EXOC6B: variants seen among roughly 807,000 people sequenced by gnomAD.
EXOC6B encodes exocyst complex component 6B, also known as SEC15 homolog B.
In EXOC6B, 54 loss-of-function variants were observed where a neutral mutation model predicts 113.5. The ratio of observed to expected loss-of-function variants is 0.48; its 90% CI spans 0.38 to 0.60. The LOEUF (loss-of-function observed/expected upper bound fraction) is 0.60. Among genes scored for constraint, EXOC6B ranks in the 20% least tolerant of loss-of-function variants. EXOC6B has a pLI of 0.00. For synonymous variants in EXOC6B, 357 were observed against 339.0 expected (o/e 1.05, Z -0.58); for missense variants, 797 against 977.5 (o/e 0.82, Z 2.46).
chr2:72,274,670 C>T (rs1448016977), intron 20 of EXOC6B, among the ~76,000 whole-genome samples: 1 of 152,152 alleles, frequency 6.6e-6, no homozygotes, highest in African/African-American at 2.4e-5. Context: ...AATACTTAAA[C>T]TAAGCAGAGA....
intron 12 of EXOC6B, 143 bp downstream of exon 12, chr2:72,499,758 T>C (rs1700228097): frequency 4.9e-6 from 3 of 609,806 alleles, no homozygotes; most frequent in Non-Finnish European, 8.9e-6. Flanking sequence ...AGTCTTGGAC[T>C]CTTGGACTCA....
intron 18 of EXOC6B, among the ~76,000 whole-genome samples, chr2:72,424,280 CT>C (rs370124794): frequency 3.1e-4 from 46 of 147,916 alleles, no homozygotes; most frequent in African/African-American, 5.2e-4. Context: ...TTCCATTATG[CT>C]TTTTTTTTTC....
chr2:72,381,879 T>C (rs1691696098), intron 18 of EXOC6B, among the ~76,000 whole-genome samples: 1 of 152,240 alleles, frequency 6.6e-6, no homozygotes, highest in Non-Finnish European at 1.5e-5. Flanking sequence ...TTTATGTCTT[T>C]GATTACTGTG....
intron 8 of EXOC6B, among the ~76,000 whole-genome samples, chr2:72,531,267 C>G (rs1701986512): frequency 6.6e-6 from 1 of 152,054 alleles, no homozygotes; most frequent in Non-Finnish European, 1.5e-5. Flanking sequence ...GTAGATATTA[C>G]ATTATATAGA....
In EXOC6B at chr2:72,825,895, T is replaced by A; in HGVS notation, c.16A>T (p.Met6Leu). The A allele has an allele frequency of 6.2e-7, 1 of 1,613,096 alleles. No homozygotes were observed. Among genetic ancestry groups the A allele is most frequent in the South Asian group, 1.1e-5 (1 of 91,076 alleles). The change falls in exon 1 of 22, where the codon ATG becomes TTG. Residue 6 changes from methionine (M) to leucine (L), a missense_variant. Coordinates refer to ENST00000272427, the MANE Select transcript of EXOC6B (RefSeq NM_015189.3). This position sits in a 1 kb window ranked among gnomAD's most constrained non-coding sequence, Gnocchi z 4.4. ...GTCTCCAGGCTCTCCGCCTCCGCCA[T>A]CTTACCCCGCTCCATAGACTGGGGG... MERGK[M>L]AEAESLETAA...
At chr2:72,449,553 C>G (rs1361778473) in intron 18 of EXOC6B, among the ~76,000 whole-genome samples, 2 of 151,508 alleles carry the variant, frequency 1.3e-5, no homozygotes, top group African/African-American at 4.9e-5. Context: ...TGATCCCTTC[C>G]AGTGAAATTA....
At chr2:72,490,929 T>C in intron 16 of EXOC6B, among the ~76,000 whole-genome samples, 1 of 152,134 alleles carries the variant, frequency 6.6e-6, no homozygotes. Flanking sequence ...ATAAAATTGT[T>C]AAGAGACTGC....
At chr2:72,381,564 A>G (rs1471613633) in intron 18 of EXOC6B, among the ~76,000 whole-genome samples, 4 of 152,176 alleles carry the variant, frequency 2.6e-5, no homozygotes, top group Admixed American at 2.0e-4. Context: ...ATAATATCAT[A>G]CTACATTTTA....
intron 18 of EXOC6B, among the ~76,000 whole-genome samples, chr2:72,428,063 A>G (rs1413634789): frequency 6.6e-6 from 1 of 152,120 alleles, no homozygotes; most frequent in Non-Finnish European, 1.5e-5. Context: ...TATAGAAATG[A>G]GCTGTACCCC....
intron 6 of EXOC6B, among the ~76,000 whole-genome samples, chr2:72,671,803 GAA>G (rs748926078): frequency 3.4e-5 from 4 of 116,568 alleles, no homozygotes; most frequent in African/African-American, 1.2e-4. Context: ...AAGAAAGAAA[GAA>G]AGAAAGAAAG....
At chr2:72,335,930 A>G (rs1688668583) in intron 19 of EXOC6B, among the ~76,000 whole-genome samples, 1 of 152,118 alleles carries the variant, frequency 6.6e-6, no homozygotes, top group African/African-American at 2.4e-5. Context: ...CAGGGATATA[A>G]GGACAAAAAC....
At chr2:72,324,755 G>A (rs1688030458) in intron 20 of EXOC6B, among the ~76,000 whole-genome samples, 1 of 152,106 alleles carries the variant, frequency 6.6e-6, no homozygotes. Context: ...CCACCCAGTA[G>A]AGGGTTCCTG....
At chr2:72,400,127 C>T (rs1250585903) in intron 18 of EXOC6B, among the ~76,000 whole-genome samples, 1 of 152,106 alleles carries the variant, frequency 6.6e-6, no homozygotes, top group Non-Finnish European at 1.5e-5. Context: ...GAAATAAAGT[C>T]ACATATCTAT....
intron 20 of EXOC6B, among the ~76,000 whole-genome samples, chr2:72,198,367 A>G (rs1439568159): frequency 6.6e-6 from 1 of 152,166 alleles, no homozygotes; most frequent in Non-Finnish European, 1.5e-5. Context: ...CATTTTGAAA[A>G]GGACTTTTCA....
At chr2:72,678,445 G>A (rs753618229) in intron 6 of EXOC6B, among the ~76,000 whole-genome samples, 21 of 152,216 alleles carry the variant, frequency 1.4e-4, no homozygotes, top group Admixed American at 1.2e-3. Context: ...TGTGGTTCAC[G>A]TTTACAATCC....
chr2:72,422,480 T>C (rs13016029), intron 18 of EXOC6B, among the ~76,000 whole-genome samples: 1 of 149,626 alleles, frequency 6.7e-6, no homozygotes, highest in Admixed American at 6.6e-5. Context: ...ATCAGCACCC[T>C]GTGTCTAGCT....
intron 1 of EXOC6B, among the ~76,000 whole-genome samples, chr2:72,807,726 C>T (rs1173170359): frequency 4.0e-5 from 6 of 151,762 alleles, no homozygotes; most frequent in South Asian, 2.1e-4. Context: ...CATTTATTTG[C>T]GGGATCTAAA....
At chr2:72,401,524 CATATATATATAT>C (rs1186731784) in intron 18 of EXOC6B, among the ~76,000 whole-genome samples, 1 of 29,718 alleles carries the variant, frequency 3.4e-5, no homozygotes, top group East Asian at 7.6e-4. Context: ...TACATATATA[CATATATATATAT>C]ATATATATGT....
chr2:72,287,438 AAAAAAT>A (rs1286443743), intron 20 of EXOC6B, among the ~76,000 whole-genome samples: 8 of 150,290 alleles, frequency 5.3e-5, no homozygotes, highest in Non-Finnish European at 8.9e-5. Context: ...CTCAAAAAAA[AAAAAAT>A]AAAAATAAAA....
Sources: allele counts gnomAD v4.1 joint callset (sites outside exome capture counted in the v4.1 genomes callset), GRCh38; gene constraint gnomAD v4.1.1; non-coding constraint Gnocchi (gnomAD v3.1); transcripts MANE v1.5; gene names NCBI Gene and HGNC (gene_info 2026-07-23, HGNC 2026-07-21).